ATG3: variants seen among roughly 807,000 people sequenced by gnomAD.
ATG3 encodes autophagy related 3.
In ATG3, 25 loss-of-function variants were observed where a neutral mutation model predicts 50.7. The observed-to-expected ratio is 0.49, with a 90% CI of 0.36 to 0.69. The LOEUF (loss-of-function observed/expected upper bound fraction) is 0.69. Among genes scored for constraint, ATG3 ranks in the 30% least tolerant of loss-of-function variants. ATG3 has a pLI of 0.00. For missense variants in ATG3, 281 were observed against 376.0 expected, an observed-to-expected ratio of 0.75 and a Z score of 2.09; for synonymous variants, 119 against 125.5, an observed-to-expected ratio of 0.95 and a Z score of 0.34.
chr3:112,533,628 CTA>C (rs2082571571), intron 11 of ATG3: 1 of 985,174 alleles, frequency 1.0e-6, no homozygotes, highest in Non-Finnish European at 1.2e-6. Context: ...CTAATTCAAG[CTA>C]TCTGGCATGT....
Position 112,550,211 on chromosome 3 carries a change from T to C in ATG3, c.216A>G (p.Gln72=). 6.2e-7 allele frequency: 1 copy of C among 1,612,890 alleles called. No homozygotes were observed. ...KVKAYLPTGK[Q]FLVTKNVPCY... ...TCTTACCATTTTTGGTTACCAAAAA[T>C]TGTTTGCCTGTTGGTAGGTATGCCT... is the stretch of plus-strand genomic sequence containing the variant. The change falls in exon 4 of 12, where the codon CAA becomes CAG. Residue 72 remains glutamine (Q), a synonymous_variant. Coordinates refer to ENST00000283290, the MANE Select transcript of ATG3 (RefSeq NM_022488.5).
intron 2 of ATG3, among the ~76,000 whole-genome samples, chr3:112,556,578 T>C (rs1334545776): frequency 1.3e-5 from 2 of 152,092 alleles, no homozygotes; most frequent in African/African-American, 4.8e-5. Flanking sequence ...TTTTGTGGAA[T>C]AGAAAGGGGG....
Position 112,548,576 on chromosome 3 carries a change from T to A in ATG3, c.300A>T (p.Glu100Asp), listed in dbSNP as rs772776695. 1.9e-6 allele frequency: 3 copies of A among 1,614,020 alleles called. No individual in the cohort carries two copies. The highest frequency in any genetic ancestry group is 3.3e-5 in the Admixed American group (2 of 60,018). ...YSDELEAIIE[E>D]DDGDGGWVDT... ...CTACCCATCCGCCATCACCATCATC[T>A]TCTTCAATGATAGCTTCCAATTCAT... Residue 100 changes from glutamate (E) to aspartate (D), a missense_variant, in exon 5 of 12, where the codon GAA becomes GAT. This residue lies in a region of ATG3 where 242 missense variants were observed against 305.0 expected (regional missense o/e 0.79). Coordinates refer to ENST00000283290, the MANE Select transcript of ATG3 (RefSeq NM_022488.5).
At chr3:112,540,890 G>A (rs1325437328) in intron 7 of ATG3, among the ~76,000 whole-genome samples, 1 of 152,160 alleles carries the variant, frequency 6.6e-6, no homozygotes, top group Non-Finnish European at 1.5e-5. Flanking sequence ...AAATATCTGA[G>A]GTTTCAAATG....
intron 5 of ATG3, among the ~76,000 whole-genome samples, chr3:112,545,411 C>T (rs1005414315): frequency 1.3e-5 from 2 of 152,120 alleles, no homozygotes; most frequent in Non-Finnish European, 2.9e-5. Context: ...TCTAAAGTTA[C>T]TAAAGAAAAA....
chr3:112,538,659 C>A (rs1933142064), intron 7 of ATG3, among the ~76,000 whole-genome samples: 3 of 152,168 alleles, frequency 2.0e-5, no homozygotes, highest in African/African-American at 7.2e-5. Flanking sequence ...CTCTTCATCA[C>A]CTCTACTTTA....
At chr3:112,560,359 TG>T (rs1933818897) in intron 1 of ATG3, among the ~76,000 whole-genome samples, 1 of 152,252 alleles carries the variant, frequency 6.6e-6, no homozygotes, top group Admixed American at 6.5e-5. Flanking sequence ...AAGCAACAGT[TG>T]AAATTCTCAT....
chr3:112,538,460 C>T lies in ATG3; in HGVS notation c.476-280G>A, dbSNP rs114770561. 8.6e-4 allele frequency: 242 copies of T among 281,330 alleles called. 2 individuals carry two copies. Among genetic ancestry groups the T allele is most frequent in the African/African-American group, 4.7e-3 (217 of 46,010 alleles). 17.4% of individuals were successfully genotyped at this position (281,330 alleles called of 1,614,324 possible). ...CCTACTTCTGTAACTGCGTAGTCAT[C>T]GGTGACCTCTTCTTTGCTGAATCCA... On this transcript the variant is annotated intron_variant, in intron 7 of 11. Coordinates refer to ENST00000283290, the MANE Select transcript of ATG3 (RefSeq NM_022488.5).
At chr3:112,541,102 C>T (rs1933211751) in intron 7 of ATG3, among the ~76,000 whole-genome samples, 1 of 152,018 alleles carries the variant, frequency 6.6e-6, no homozygotes. Flanking sequence ...TCAAAAGGCC[C>T]CATTAGCCAA....
At chr3:112,553,971 T>C (rs772520480) in intron 2 of ATG3, among the ~76,000 whole-genome samples, 4 of 152,238 alleles carry the variant, frequency 2.6e-5, no homozygotes, top group Admixed American at 6.5e-5. Context: ...GAATTCTCTC[T>C]AAAAAACCTT....
chr3:112,538,166 C>T lies in ATG3; in HGVS notation c.490G>A (p.Gly164Arg), dbSNP rs1326297332. 29 of 1,582,952 alleles carry T rather than the reference C, an allele frequency of 1.8e-5. No individual in the cohort carries two copies. Among genetic ancestry groups the T allele is most frequent in the Non-Finnish European group, 2.5e-5 (29 of 1,163,252 alleles). ...CAAACCTCATCTGTTTCCAACAATC[C>T]ACTCTCTTCATATTCTGTTATAAAA... ...AADMEEYEES[G>R]LLETDEATLD... The change falls in exon 8 of 12, where the codon GGA becomes AGA. Residue 164 changes from glycine (G) to arginine (R), a missense_variant. Physicochemically the swap from Gly to Arg is moderately radical, Grantham distance 125. Around this residue, in one of 3 missense-constraint regions of ATG3, gnomAD observed 242 missense variants for 305.0 expected, o/e 0.79. Coordinates refer to ENST00000283290, the MANE Select transcript of ATG3 (RefSeq NM_022488.5).
chr3:112,534,390 A>C, intron 10 of ATG3, 53 bp from the exon 11 acceptor site: 1 of 1,388,544 alleles, frequency 7.2e-7, no homozygotes, highest in Non-Finnish European at 9.6e-7. Flanking sequence ...AGACCGAAAG[A>C]AGAAAAACAT....
chr3:112,560,718 T>C (rs1049530155), intron 1 of ATG3, among the ~76,000 whole-genome samples: 2 of 152,148 alleles, frequency 1.3e-5, no homozygotes, highest in Non-Finnish European at 2.9e-5. Context: ...GTTGTAGAAA[T>C]TTACCTTTAA....
At chr3:112,556,726 C>G (rs1933693093) in intron 2 of ATG3, among the ~76,000 whole-genome samples, 1 of 151,914 alleles carries the variant, frequency 6.6e-6, no homozygotes, top group South Asian at 2.1e-4. Flanking sequence ...GTGACCTTAC[C>G]CCCAACCCTG....
In ATG3 at chr3:112,561,944, C is replaced by T. The variant is rs1018486625; in HGVS notation, c.-416G>A. On this transcript the variant is annotated 5_prime_UTR_variant, in exon 1 of 12. Transcript: ENST00000283290. ...TCTCTTGCCGTAGCTGCGCCGCCAC[C>T]GGGGCCTCACGTGACACTAGACTCT... 4.6e-5 allele frequency: 10 copies of T among 216,312 alleles called. No homozygotes were observed. Among genetic ancestry groups the T allele is most frequent in the Admixed American group, 3.2e-4 (5 of 15,842 alleles). The allele number at this position is 216,312 out of a possible 1,614,324, so 13.4% of individuals were successfully genotyped here. A position where few individuals can be genotyped will look rare whatever the true frequency, so the allele number is the denominator to read the frequency against.
intron 4 of ATG3, 44 bp from the exon 5 acceptor site, chr3:112,548,684 C>G: frequency 6.7e-7 from 1 of 1,490,158 alleles, no homozygotes; most frequent in Non-Finnish European, 9.4e-7. Flanking sequence ...ACGTAATCTG[C>G]TAACCATAAA....
At chr3:112,538,271 A>C in intron 7 of ATG3, 91 bp from the exon 8 acceptor site, 1 of 1,012,258 alleles carries the variant, frequency 9.9e-7, no homozygotes, top group Non-Finnish European at 1.4e-6. Flanking sequence ...GTATCATTCA[A>C]AAACTGGGGT....
chr3:112,559,214 AAATT>A (rs1933771104), intron 1 of ATG3, among the ~76,000 whole-genome samples: 2 of 152,320 alleles, frequency 1.3e-5, no homozygotes, highest in Admixed American at 6.5e-5. Flanking sequence ...CCAAATCTAG[AAATT>A]ATTTAGCATT....
intron 7 of ATG3, among the ~76,000 whole-genome samples, chr3:112,541,561 G>T (rs1349218168): frequency 6.6e-6 from 1 of 152,192 alleles, no homozygotes; most frequent in Non-Finnish European, 1.5e-5. Flanking sequence ...AAATATTTAT[G>T]ACTAATAGTT....
Sources: allele counts gnomAD v4.1 joint callset (sites outside exome capture counted in the v4.1 genomes callset), GRCh38; gene constraint gnomAD v4.1.1; regional missense constraint gnomAD v4.1.1; transcripts MANE v1.5; gene names NCBI Gene and HGNC (gene_info 2026-07-23, HGNC 2026-07-21).